The following GHR variants were observed in gnomAD, a reference collection of about 807,000 sequenced individuals.
GHR encodes GH receptor.
Under a neutral mutation model 67.1 loss-of-function variants are expected in GHR, and 35 were observed. The observed-to-expected ratio is 0.52, with a 90% CI of 0.40 to 0.69. The LOEUF (loss-of-function observed/expected upper bound fraction) is 0.69, where lower values mean the gene tolerates loss of function less well. Among genes scored for constraint, GHR ranks in the 30% least tolerant of loss-of-function variants. The pLI is 0.00. For synonymous variants in GHR, 272 were observed against 269.1 expected (o/e 1.01, Z -0.10); for missense variants, 792 against 764.6 (o/e 1.04, Z -0.42).
chr5:42,600,284 G>C (rs906316255), intron 2 of GHR, among the ~76,000 whole-genome samples: 3 of 152,202 alleles, frequency 2.0e-5, no homozygotes, highest in Non-Finnish European at 4.4e-5. Flanking sequence ...ATGCCACTAG[G>C]ATCAATATCT....
At chr5:42,441,640 G>A (rs1411536012) in intron 1 of GHR, among the ~76,000 whole-genome samples, 1 of 152,058 alleles carries the variant, frequency 6.6e-6, no homozygotes, top group Non-Finnish European at 1.5e-5. Context: ...CTCCTGAGTA[G>A]CTGGGACTAC....
chr5:42,460,951 C>T (rs1172695458), intron 1 of GHR, among the ~76,000 whole-genome samples: 1 of 152,122 alleles, frequency 6.6e-6, no homozygotes, highest in Non-Finnish European at 1.5e-5. Flanking sequence ...ATCCCATATT[C>T]CCAAAGGTAT....
intron 1 of GHR, among the ~76,000 whole-genome samples, chr5:42,561,263 C>T (rs1015694894): frequency 2.4e-4 from 36 of 152,274 alleles, no homozygotes; most frequent in African/African-American, 7.2e-4. Context: ...CTTCTATTTT[C>T]GGGTATGCTC....
intron 1 of GHR, chr5:42,468,790 T>A: frequency 9.3e-7 from 1 of 1,074,532 alleles, no homozygotes; most frequent in Non-Finnish European, 1.4e-6. Context: ...CTCGAAGGGG[T>A]CCGATTAGTT....
At chr5:42,643,206 C>T (rs895756579) in intron 3 of GHR, among the ~76,000 whole-genome samples, 8 of 152,138 alleles carry the variant, frequency 5.3e-5, no homozygotes, top group Admixed American at 3.9e-4. Flanking sequence ...ACGCATTTAA[C>T]GCACCATTTC....
chr5:42,499,092 G>A (rs1393985250), intron 1 of GHR, among the ~76,000 whole-genome samples: 2 of 152,186 alleles, frequency 1.3e-5, no homozygotes, highest in African/African-American at 4.8e-5. Context: ...AGTGAAGAGT[G>A]GCAACTGCTA....
chr5:42,491,233 C>T (rs916017109), intron 1 of GHR, among the ~76,000 whole-genome samples: 18 of 152,224 alleles, frequency 1.2e-4, no homozygotes, highest in African/African-American at 4.3e-4. Context: ...TCTTGGCCCT[C>T]TTCCTCTGTA....
intron 3 of GHR, among the ~76,000 whole-genome samples, chr5:42,655,802 CAGTAGG>C (rs1044878768): frequency 2.0e-5 from 3 of 151,926 alleles, no homozygotes; most frequent in East Asian, 3.9e-4. Context: ...TTCTTAACAG[CAGTAGG>C]AGTAGATCTT....
chr5:42,581,275 C>A (rs1460344179), intron 2 of GHR, among the ~76,000 whole-genome samples: 3 of 152,220 alleles, frequency 2.0e-5, no homozygotes, highest in African/African-American at 7.2e-5. Flanking sequence ...CTCACTGGAA[C>A]TTGCTTTTCC....
intron 2 of GHR, among the ~76,000 whole-genome samples, chr5:42,593,474 T>C (rs1751902548): frequency 6.6e-6 from 1 of 152,212 alleles, no homozygotes; most frequent in African/African-American, 2.4e-5. Flanking sequence ...CCTGCCTATA[T>C]TCAAGGTCCC....
rs1755545700 is a variant in GHR at position 42,660,667 on chromosome 5, A to G, written c.137-28223A>G. On this transcript the variant is annotated intron_variant, in intron 3 of 9. Transcript: ENST00000230882. Reference sequence around the variant, plus strand: ...AAAACCACAAAGATGGGGAAAAAACAGAGCAGAAAAACTGGAAACTCTGAA... The same window carrying G: ...AAAACCACAAAGATGGGGAAAAAACGGAGCAGAAAAACTGGAAACTCTGAA... Among the ~76,000 whole-genome samples the G allele has an allele frequency of 2.0e-5, 3 of 152,212 alleles. No individual in the cohort carries two copies. The South Asian group carries it at 6.2e-4, about 32-fold the overall frequency.
chr5:42,446,163 A>C lies in GHR; in HGVS notation c.-12+22208A>C, dbSNP rs1052270517. Among the ~76,000 whole-genome samples, 7 of 152,176 alleles carry C rather than the reference A, an allele frequency of 4.6e-5. No homozygotes were observed. The East Asian group carries it at 1.2e-3, about 25-fold the overall frequency. Reference sequence around the variant, plus strand: ...ACCAGACATGGACTTTAGGAGCACAAAGTGTAGAGATAAAACTGCACTCAT... The same window carrying C: ...ACCAGACATGGACTTTAGGAGCACACAGTGTAGAGATAAAACTGCACTCAT... On this transcript the variant is annotated intron_variant, in intron 1 of 9. Coordinates refer to ENST00000230882, the MANE Select transcript of GHR (RefSeq NM_000163.5).
intron 2 of GHR, among the ~76,000 whole-genome samples, chr5:42,625,341 T>TA (rs5867596): frequency 0.3 from 45,822 of 150,892 alleles, 7,304 homozygotes; most frequent in African/African-American, 0.41. Context: ...TGAGAGTATG[T>TA]AAAAAAAAAA....
chr5:42,535,736 G>C (rs779468296), intron 1 of GHR, among the ~76,000 whole-genome samples: 1 of 151,888 alleles, frequency 6.6e-6, no homozygotes, highest in Non-Finnish European at 1.5e-5. Context: ...GAATTTGTAG[G>C]TTGCTTTTGG....
chr5:42,557,620 G>T (rs1749381601), intron 1 of GHR, among the ~76,000 whole-genome samples: 1 of 152,088 alleles, frequency 6.6e-6, no homozygotes, highest in African/African-American at 2.4e-5. Flanking sequence ...AGGTTTGGTA[G>T]AGCTGGGATT....
chr5:42,579,269 A>G (rs185797680), intron 2 of GHR, among the ~76,000 whole-genome samples: 2 of 152,326 alleles, frequency 1.3e-5, no homozygotes, highest in South Asian at 2.1e-4. Context: ...AAAGAGATTC[A>G]CTAACCTACC....
At chr5:42,536,124 C>T (rs1293151188) in intron 1 of GHR, among the ~76,000 whole-genome samples, 3 of 152,076 alleles carry the variant, frequency 2.0e-5, no homozygotes, top group Non-Finnish European at 4.4e-5. Context: ...GACAGTTTGA[C>T]TTCCTTTTTA....
chr5:42,497,921 A>G (rs911673903), intron 1 of GHR, among the ~76,000 whole-genome samples: 1 of 152,170 alleles, frequency 6.6e-6, no homozygotes, highest in African/African-American at 2.4e-5. Context: ...TCTCTCTGTC[A>G]GTATCTTCAG....
chr5:42,692,183 G>T (rs1757451708), intron 4 of GHR, among the ~76,000 whole-genome samples: 1 of 151,920 alleles, frequency 6.6e-6, no homozygotes, highest in Non-Finnish European at 1.5e-5. Flanking sequence ...CCAAAAACGT[G>T]CGCTTTCTGT....
Sources: gnomAD v4.1 joint callset for allele counts (sites outside exome capture counted in the v4.1 genomes callset) on GRCh38, gnomAD v4.1.1 for gene constraint, MANE v1.5 for transcripts, NCBI Gene and HGNC (gene_info 2026-07-23, HGNC 2026-07-21) for gene names.